Variants in TBL1Y observed in about 807,000 individuals in gnomAD.
TBL1Y encodes F-box-like/WD repeat-containing protein TBL1Y.
In TBL1Y, 15 loss-of-function variants were observed where a neutral mutation model predicts 12.0. The ratio of observed to expected loss-of-function variants is 1.25; its 90% CI spans 0.83 to 1.92. The LOEUF is 1.92. TBL1Y is among the 40% of genes most tolerant of loss of function. The pLI, the probability that TBL1Y is intolerant of heterozygous loss-of-function variation, is 0.00. For synonymous variants in TBL1Y, 53 were observed against 42.6 expected, an observed-to-expected ratio of 1.24 and a Z score of -0.95; for missense variants, 148 against 116.7, an observed-to-expected ratio of 1.27 and a Z score of -1.24.
intron 2 of TBL1Y, among the ~76,000 whole-genome samples, chrY:6,959,113 A>G (rs912391507): frequency 0.015 from 489 of 32,251 alleles, no homozygotes; most frequent in Non-Finnish European, 0.027. Flanking sequence ...GCAGTGCATT[A>G]TGCCCCTGGT....
intron 8 of TBL1Y, among the ~76,000 whole-genome samples, chrY:7,067,230 G>T (rs2012992434): frequency 3.0e-5 from 1 of 33,428 alleles, no homozygotes; most frequent in Non-Finnish European, 7.4e-5. Flanking sequence ...GCTTTGGAAG[G>T]CTCAGGTGGG....
chrY:7,010,534 T>G, intron 4 of TBL1Y, among the ~76,000 whole-genome samples: 1 of 34,162 alleles, frequency 2.9e-5, no homozygotes. Context: ...GATGGTTAAT[T>G]TATTTAATGG....
chrY:7,043,192 A>G, intron 7 of TBL1Y, 67 bp downstream of exon 7: 1 of 365,059 alleles, frequency 2.7e-6, no homozygotes, highest in Middle Eastern at 6.3e-4. Flanking sequence ...GTTGGAACAC[A>G]TTAGAAGCTA....
chrY:7,037,648 C>T (rs2012700921), intron 6 of TBL1Y, among the ~76,000 whole-genome samples: 1 of 33,577 alleles, frequency 3.0e-5, no homozygotes, highest in Non-Finnish European at 7.3e-5. Flanking sequence ...AGAAAACCAT[C>T]AACTCATGGG....
At chrY:7,064,519 T>A in intron 8 of TBL1Y, among the ~76,000 whole-genome samples, 1 of 33,721 alleles carries the variant, frequency 3.0e-5, no homozygotes, top group African/African-American at 1.2e-4. Context: ...GTATAATCAT[T>A]GAGTTCATGG....
chrY:7,038,325 T>C, intron 6 of TBL1Y, among the ~76,000 whole-genome samples: 2 of 32,707 alleles, frequency 6.1e-5, no homozygotes, highest in African/African-American at 2.4e-4. Context: ...GGAATAATCT[T>C]ACCTCGTCTG....
chrY:6,954,234 T>C (rs2012054298), intron 2 of TBL1Y, among the ~76,000 whole-genome samples: 1 of 34,080 alleles, frequency 2.9e-5, no homozygotes, highest in African/African-American at 1.1e-4. Flanking sequence ...TGCAGAGGTT[T>C]CTGCTGCCTT....
chrY:7,064,309 G>A (rs1052005089), intron 8 of TBL1Y, among the ~76,000 whole-genome samples, 160 bp downstream of exon 8: 1 of 33,159 alleles, frequency 3.0e-5, no homozygotes. Context: ...AAGAGCTCCC[G>A]TTCCAGTTTT....
At chrY:7,010,792 T>A in intron 4 of TBL1Y, among the ~76,000 whole-genome samples, 1 of 32,448 alleles carries the variant, frequency 3.1e-5, no homozygotes, top group Non-Finnish European at 7.5e-5. Flanking sequence ...AAAATTAGCC[T>A]GGAGTGATGG....
In TBL1Y at chrY:6,916,451, A is replaced by G. The variant is rs2124090690; in HGVS notation, c.-266+4279A>G. ...CCTGTCTCCGAAAAAAAAAAAAAAA[A>G]AAAAAAAGCCTCTAATCCCAGCAAT... On this transcript the variant is annotated intron_variant, in intron 2 of 18. Transcript: ENST00000383032. Among the ~76,000 whole-genome samples, 5 of 28,739 alleles carry G rather than the reference A, an allele frequency of 1.7e-4. No homozygotes were observed. The East Asian group carries it at 4.3e-3, about 25-fold the overall frequency. 77.1% of individuals were successfully genotyped at this position (28,739 alleles called of 37,273 possible). A position where few individuals can be genotyped will look rare whatever the true frequency, so the allele number is the denominator to read the frequency against.
intron 7 of TBL1Y, among the ~76,000 whole-genome samples, chrY:7,049,504 T>C: frequency 5.9e-5 from 2 of 33,710 alleles, no homozygotes; most frequent in Non-Finnish European, 1.5e-4. Context: ...AAAGTGTTCC[T>C]GTTTCTCCAC....
At chrY:6,954,193 T>TG (rs2012052522) in intron 2 of TBL1Y, among the ~76,000 whole-genome samples, 4 of 34,121 alleles carry the variant, frequency 1.2e-4, no homozygotes, top group Admixed American at 7.9e-4. Flanking sequence ...CACTGCTCTC[T>TG]TCAAAGCTGT....
chrY:7,042,394 CT>C (rs749359652), intron 6 of TBL1Y, among the ~76,000 whole-genome samples: 9 of 24,898 alleles, frequency 3.6e-4, no homozygotes, highest in East Asian at 1.0e-3. Context: ...TGCTTTATTC[CT>C]TTTTTTTTTT....
At chrY:7,051,679 C>A (rs2012798422) in intron 7 of TBL1Y, among the ~76,000 whole-genome samples, 1 of 33,629 alleles carries the variant, frequency 3.0e-5, no homozygotes, top group Non-Finnish European at 7.3e-5. Context: ...CCCTTTCTGG[C>A]ACATTTTCTA....
chrY:7,064,894 T>C, intron 8 of TBL1Y, among the ~76,000 whole-genome samples: 1 of 33,699 alleles, frequency 3.0e-5, no homozygotes, highest in South Asian at 6.8e-4. Flanking sequence ...ATGTCTCTTC[T>C]ATTAAAATAG....
At chrY:7,064,834 T>C in intron 8 of TBL1Y, among the ~76,000 whole-genome samples, 1 of 33,818 alleles carries the variant, frequency 3.0e-5, no homozygotes, top group Non-Finnish European at 7.3e-5. Context: ...AGTGCCTCTC[T>C]GGCTGGAGAA....
chrY:6,917,195 C>G (rs776095145), intron 2 of TBL1Y, among the ~76,000 whole-genome samples: 5 of 34,701 alleles, frequency 1.4e-4, no homozygotes, highest in African/African-American at 5.6e-4. Flanking sequence ...GTTCTACCTC[C>G]TGTCAGATCA....
At chrY:6,977,016 C>T (rs906589832) in intron 2 of TBL1Y, among the ~76,000 whole-genome samples, 7 of 33,601 alleles carry the variant, frequency 2.1e-4, no homozygotes, top group African/African-American at 8.1e-4. Context: ...GGAAGACTTA[C>T]CTCTGCGTGG....
chrY:7,087,845 G>A, intron 17 of TBL1Y, among the ~76,000 whole-genome samples: 1 of 33,249 alleles, frequency 3.0e-5, no homozygotes. Flanking sequence ...GGGTGGGAGT[G>A]GGGGAGCAGC....
Sources: allele counts gnomAD v4.1 joint callset (sites outside exome capture counted in the v4.1 genomes callset), GRCh38; gene constraint gnomAD v4.1.1; transcripts MANE v1.5; gene names NCBI Gene and HGNC (gene_info 2026-07-23, HGNC 2026-07-21).